The following DRC11 variants were observed in gnomAD, a reference collection of about 807,000 sequenced individuals.
The protein encoded by DRC11 is dynein regulatory complex subunit 11.
At chr2:236,359,414 C>T in the DRC11 span, among the ~76,000 whole-genome samples, 7 of 152,154 alleles carry the variant, frequency 4.6e-5, no homozygotes, top group Admixed American at 6.5e-5. The surrounding 1 kb of genome is among the most constrained non-coding windows in gnomAD (Gnocchi z 4.3). Context: ...ATTTTCCCTG[C>T]GTGCTTCCAC....
the DRC11 span, chr2:236,493,770 T>C: frequency 2.5e-6 from 4 of 1,595,286 alleles, no homozygotes; most frequent in South Asian, 2.3e-5. Flanking sequence ...ATACAAACCA[T>C]GTCAGATGTA....
At chr2:236,333,985 T>C in the DRC11 span, among the ~76,000 whole-genome samples, 1 of 152,152 alleles carries the variant, frequency 6.6e-6, no homozygotes, top group East Asian at 1.9e-4. The surrounding 1 kb of genome is among the most constrained non-coding windows in gnomAD (Gnocchi z 6.0). Context: ...GTAGGATACT[T>C]GGTGTTCACG....
the DRC11 span, among the ~76,000 whole-genome samples, chr2:236,451,788 AGCAGC>A: frequency 6.6e-6 from 1 of 152,226 alleles, no homozygotes; most frequent in East Asian, 1.9e-4. Flanking sequence ...CTGGAAAGGA[AGCAGC>A]CCAGGGCAGC....
At chr2:236,340,368 C>T in the DRC11 span, among the ~76,000 whole-genome samples, 2 of 152,192 alleles carry the variant, frequency 1.3e-5, no homozygotes, top group Admixed American at 6.5e-5. Flanking sequence ...AAGTGATCTG[C>T]CCGCTTCGGC....
chr2:236,425,002 T>G, the DRC11 span, among the ~76,000 whole-genome samples: 1 of 152,120 alleles, frequency 6.6e-6, no homozygotes, highest in Non-Finnish European at 1.5e-5. Context: ...TTCCTTCTTT[T>G]TTAAAGCTGA....
the DRC11 span, among the ~76,000 whole-genome samples, chr2:236,391,707 C>G: frequency 6.6e-6 from 1 of 152,200 alleles, no homozygotes; most frequent in Non-Finnish European, 1.5e-5. This position sits in a 1 kb window ranked among gnomAD's most constrained non-coding sequence, Gnocchi z 4.5. Flanking sequence ...AGTTCCCATT[C>G]TATCAGTGGG....
chr2:236,337,928 C>G, the DRC11 span, among the ~76,000 whole-genome samples: 1 of 152,204 alleles, frequency 6.6e-6, no homozygotes, highest in African/African-American at 2.4e-5. The surrounding 1 kb of genome is among the most constrained non-coding windows in gnomAD (Gnocchi z 4.9). Flanking sequence ...TCAGCACCCA[C>G]AAGGCTTTTG....
chr2:236,439,958 A>AT, the DRC11 span, among the ~76,000 whole-genome samples: 1 of 152,218 alleles, frequency 6.6e-6, no homozygotes, highest in Admixed American at 6.5e-5. Flanking sequence ...CAATTCTGTG[A>AT]TTTTAAAGAA....
chr2:236,355,455 G>A, the DRC11 span, among the ~76,000 whole-genome samples: 12 of 152,310 alleles, frequency 7.9e-5, no homozygotes, highest in South Asian at 1.7e-3. Context: ...CTGCAGCTGC[G>A]TCCGCACGCA....
the DRC11 span, among the ~76,000 whole-genome samples, chr2:236,307,359 AAGGAG>A: frequency 6.6e-6 from 1 of 152,108 alleles, no homozygotes; most frequent in African/African-American, 2.4e-5. This position sits in a 1 kb window ranked among gnomAD's most constrained non-coding sequence, Gnocchi z 7.0. Context: ...GCACCATTCA[AAGGAG>A]AGGGGAGGCT....
chr2:236,344,010 G>A, the DRC11 span, among the ~76,000 whole-genome samples: 1 of 151,796 alleles, frequency 6.6e-6, no homozygotes, highest in Admixed American at 6.6e-5. Context: ...TAACAATCTC[G>A]TGTATCTGCA....
At chr2:236,498,284 C>T in the DRC11 span, among the ~76,000 whole-genome samples, 6 of 149,922 alleles carry the variant, frequency 4.0e-5, no homozygotes, top group East Asian at 2.0e-4. Context: ...TGGCCAACCC[C>T]GTCTCTACTA....
At chr2:236,384,604 G>A in the DRC11 span, among the ~76,000 whole-genome samples, 6 of 152,034 alleles carry the variant, frequency 3.9e-5, no homozygotes, top group Non-Finnish European at 5.9e-5. Context: ...CTCCCATTTC[G>A]TAGGTTGCCT....
chr2:236,332,170 G>A, the DRC11 span: 1 of 153,976 alleles, frequency 6.5e-6, no homozygotes, highest in Non-Finnish European at 1.4e-5. The surrounding 1 kb of genome is among the most constrained non-coding windows in gnomAD (Gnocchi z 5.1). Context: ...TTCCCCCTCA[G>A]CAACTGTAAA....
the DRC11 span, among the ~76,000 whole-genome samples, chr2:236,374,169 C>A: frequency 1.8e-4 from 27 of 152,092 alleles, no homozygotes; most frequent in South Asian, 4.2e-4. Context: ...TACTTTGGGG[C>A]TCAATGGGGA....
chr2:236,379,229 TA>T, the DRC11 span, among the ~76,000 whole-genome samples: 1 of 141,290 alleles, frequency 7.1e-6, no homozygotes, highest in Non-Finnish European at 1.6e-5. Flanking sequence ...CCAAACAGGG[TA>T]GCGACAGGAC....
chr2:236,365,560 G>C, the DRC11 span, among the ~76,000 whole-genome samples: 1 of 152,078 alleles, frequency 6.6e-6, no homozygotes, highest in Non-Finnish European at 1.5e-5. This position sits in a 1 kb window ranked among gnomAD's most constrained non-coding sequence, Gnocchi z 7.4. Context: ...TTCTGGGAGT[G>C]GTAGAGGAAG....
the DRC11 span, among the ~76,000 whole-genome samples, chr2:236,349,180 C>T: frequency 3.9e-5 from 6 of 152,180 alleles, no homozygotes; most frequent in East Asian, 3.9e-4. The surrounding 1 kb of genome is among the most constrained non-coding windows in gnomAD (Gnocchi z 5.5). Flanking sequence ...TGCAAGCCCC[C>T]GATTTCCTTC....
the DRC11 span, chr2:236,407,791 C>G: frequency 4.2e-6 from 1 of 237,258 alleles, no homozygotes; most frequent in Non-Finnish European, 8.4e-6. Context: ...TTTTTTTTTT[C>G]AGTGGAAAAT....
Sources: gnomAD v4.1 joint callset for allele counts (sites outside exome capture counted in the v4.1 genomes callset) on GRCh38, gnomAD v4.1.1 for gene constraint, Gnocchi (gnomAD v3.1) non-coding constraint, MANE v1.5 for transcripts, NCBI Gene and HGNC (gene_info 2026-07-23, HGNC 2026-07-21) for gene names.